Variants in ELP3 observed in about 807,000 individuals in gnomAD.
ELP3 encodes the protein elongator complex protein 3.
In ELP3, 56 loss-of-function variants were observed where a neutral mutation model predicts 74.9. The observed-to-expected ratio is 0.75, with a 90% CI of 0.60 to 0.93. ELP3 has a LOEUF of 0.93. ELP3 is among the 40% of genes least tolerant of loss of function. ELP3 has a pLI of 0.00. For missense variants in ELP3, 573 were observed against 686.5 expected (o/e 0.83, Z 1.85); for synonymous variants, 222 against 239.8 (o/e 0.93, Z 0.68).
chr8:28,189,578 A>T, intron 14 of ELP3, 71 bp from the exon 15 acceptor site: 2 of 1,471,830 alleles, frequency 1.4e-6, no homozygotes, highest in Non-Finnish European at 1.9e-6. Flanking sequence ...TGTAAGGCTG[A>T]GGGAAGCACA....
In ELP3 at chr8:28,132,870, A is replaced by T. The variant is rs183154259; in HGVS notation, c.906+466A>T. Among the ~76,000 whole-genome samples the T allele has an allele frequency of 9.8e-3, 1,489 of 152,262 alleles. 24 individuals carry two copies. Among genetic ancestry groups the T allele is most frequent in the African/African-American group, 0.034 (1,397 of 41,552 alleles). ...ATATACTGGTTTTTTAATATTATTT[A>T]AAAAACACTGCAGGTAAATGACTTT... On this transcript the variant is annotated intron_variant, in intron 9 of 14. Coordinates refer to ENST00000256398, the MANE Select transcript of ELP3 (RefSeq NM_018091.6).
chr8:28,135,342 T>A (rs975509010), intron 9 of ELP3, among the ~76,000 whole-genome samples: 2 of 152,248 alleles, frequency 1.3e-5, no homozygotes. Context: ...CAATAAGCGC[T>A]TCTTTCTTTA....
At position 28,183,828 on chromosome 8, in the gene ELP3, C is replaced by T. The variant is rs376245235; in HGVS notation, c.1568-5821C>T. On this transcript the variant is annotated intron_variant, in intron 14 of 14. Transcript: ENST00000256398. ...ATCCCAGGGATTTGGCAGAACCCCA[C>T]GCAGGCCATCGGGTGGAGCACTTGG... Among the ~76,000 whole-genome samples, 30 of 152,350 alleles carry T rather than the reference C, an allele frequency of 2.0e-4. 1 individual carries two copies. The South Asian group carries it at 6.2e-3, about 32-fold the overall frequency.
At chr8:28,157,986 CTTCCTTCCTTCT>C (rs1813899892) in intron 11 of ELP3, among the ~76,000 whole-genome samples, 2 of 147,108 alleles carry the variant, frequency 1.4e-5, no homozygotes, top group Non-Finnish European at 3.0e-5. Context: ...CCCTCTCTTC[CTTCCTTCCTTCT>C]TTCCTTCCTT....
chr8:28,149,567 T>G (rs894743476), intron 10 of ELP3, among the ~76,000 whole-genome samples: 18 of 152,208 alleles, frequency 1.2e-4, no homozygotes, highest in African/African-American at 4.1e-4. Context: ...TCCTCTCCTT[T>G]TTGTTAGCTT....
At chr8:28,177,739 C>G (rs1286567691) in intron 14 of ELP3, among the ~76,000 whole-genome samples, 1 of 152,134 alleles carries the variant, frequency 6.6e-6, no homozygotes, top group Non-Finnish European at 1.5e-5. Flanking sequence ...CAAGAATGCA[C>G]CTGTAATAGC....
intron 3 of ELP3, among the ~76,000 whole-genome samples, chr8:28,101,281 G>C: frequency 6.6e-6 from 1 of 151,958 alleles, no homozygotes. Flanking sequence ...TTAGCCGGGC[G>C]TTGTGGCGGG....
chr8:28,156,628 GA>G (rs1813839365), intron 11 of ELP3, among the ~76,000 whole-genome samples: 1 of 152,160 alleles, frequency 6.6e-6, no homozygotes, highest in African/African-American at 2.4e-5. Context: ...CTGCTAAAGG[GA>G]TAAACCAGGA....
intron 9 of ELP3, among the ~76,000 whole-genome samples, chr8:28,133,830 G>A (rs116441387): frequency 0.017 from 2,576 of 152,102 alleles, 61 homozygotes; most frequent in African/African-American, 0.056. Context: ...ATCCCTCTTC[G>A]TAATTCCCCC....
At chr8:28,141,250 T>A (rs118038567) in intron 10 of ELP3, among the ~76,000 whole-genome samples, 3,202 of 152,314 alleles carry the variant, frequency 0.021, 64 homozygotes, top group Non-Finnish European at 0.032. Flanking sequence ...CTAGGCTGCC[T>A]GATAGAGGGT....
chr8:28,129,498 A>G lies in ELP3; in HGVS notation c.618-4A>G, dbSNP rs199764759. ...AGGTTAATTATTTTAGATTTGCTCTACAGGTATTCTGAGAGAAGCCTCACA... is the reference window on the plus strand; with the variant it reads ...AGGTTAATTATTTTAGATTTGCTCTGCAGGTATTCTGAGAGAAGCCTCACA... On this transcript the variant is annotated splice_polypyrimidine_tract_variant and splice_region_variant and intron_variant, in intron 7 of 14. Transcript: ENST00000256398. 1 of 1,614,104 alleles carries G rather than the reference A, an allele frequency of 6.2e-7. No individual in the cohort carries two copies. Among genetic ancestry groups the G allele is most frequent in the Non-Finnish European group, 8.5e-7 (1 of 1,179,942 alleles).
chr8:28,134,119 G>A (rs1585686809), intron 9 of ELP3, among the ~76,000 whole-genome samples: 2 of 151,976 alleles, frequency 1.3e-5, no homozygotes, highest in African/African-American at 2.4e-5. Context: ...CCCACCCCAC[G>A]ACAGGCCCCG....
At chr8:28,103,766 C>A (rs1280939114) in intron 3 of ELP3, among the ~76,000 whole-genome samples, 1 of 152,036 alleles carries the variant, frequency 6.6e-6, no homozygotes, top group Admixed American at 6.6e-5. Context: ...AGGGTTTTGT[C>A]CTGTCACTGA....
intron 10 of ELP3, among the ~76,000 whole-genome samples, chr8:28,141,499 A>G (rs894067028): frequency 6.6e-6 from 1 of 152,214 alleles, no homozygotes; most frequent in African/African-American, 2.4e-5. Flanking sequence ...TTAATGGGAC[A>G]CTGGTGAAAC....
chr8:28,110,131 A>G (rs1811855089), intron 5 of ELP3, among the ~76,000 whole-genome samples: 1 of 152,210 alleles, frequency 6.6e-6, no homozygotes, highest in Non-Finnish European at 1.5e-5. Flanking sequence ...TACAAAAGAC[A>G]GATGTGATCC....
upstream of ELP3, among the ~76,000 whole-genome samples, chr8:28,092,439 G>A (rs1296866888): frequency 2.0e-5 from 3 of 152,184 alleles, no homozygotes; most frequent in African/African-American, 4.8e-5. Context: ...ATGTTGACCA[G>A]GGTGGTCTTG....
intron 7 of ELP3, among the ~76,000 whole-genome samples, chr8:28,126,601 C>T (rs1812586894): frequency 6.6e-6 from 1 of 152,054 alleles, no homozygotes; most frequent in African/African-American, 2.4e-5. Context: ...AACTTGTAGC[C>T]CCCAAAGAGG....
intron 10 of ELP3, among the ~76,000 whole-genome samples, chr8:28,142,836 G>A (rs569239836): frequency 3.3e-5 from 5 of 151,852 alleles, no homozygotes; most frequent in Middle Eastern, 3.4e-3. Flanking sequence ...TATGATATTT[G>A]TTGTCACACA....
chr8:28,154,588 A>G (rs1401186057), intron 10 of ELP3, among the ~76,000 whole-genome samples: 1 of 152,154 alleles, frequency 6.6e-6, no homozygotes, highest in Non-Finnish European at 1.5e-5. Context: ...TCAGGGTAAA[A>G]AAGGGCATTT....
Sources: gnomAD v4.1 joint callset for allele counts (sites outside exome capture counted in the v4.1 genomes callset) on GRCh38, gnomAD v4.1.1 for gene constraint, MANE v1.5 for transcripts, NCBI Gene and HGNC (gene_info 2026-07-23, HGNC 2026-07-21) for gene names.